GRIK1: variants seen among roughly 807,000 people sequenced by gnomAD.
GRIK1 encodes the protein glutamate ionotropic receptor kainate type subunit 1, also known as glutamate receptor ionotropic, kainate 1.
A neutral mutation model predicts 105.7 loss-of-function variants in GRIK1; 69 were observed. The observed-to-expected ratio is 0.65, with a 90% CI of 0.54 to 0.80. The LOEUF is 0.80. GRIK1 is among the 30% of genes least tolerant of loss of function. The probability of loss-of-function intolerance (pLI) is 0.00; values close to 1 mark genes in which losing one functional copy is unlikely to be tolerated. For missense variants in GRIK1, 1,109 were observed against 1,167.3 expected, an observed-to-expected ratio of 0.95 and a Z score of 0.73; for synonymous variants, 438 against 431.3, an observed-to-expected ratio of 1.02 and a Z score of -0.19.
chr21:29,723,006 C>A (rs2064360566), intron 1 of GRIK1, among the ~76,000 whole-genome samples: 1 of 152,136 alleles, frequency 6.6e-6, no homozygotes, highest in Non-Finnish European at 1.5e-5. Context: ...ACACTTATTA[C>A]TGGATAAAAA....
At chr21:29,740,545 C>G (rs2064901582) in intron 1 of GRIK1, among the ~76,000 whole-genome samples, 1 of 152,046 alleles carries the variant, frequency 6.6e-6, no homozygotes, top group Admixed American at 6.6e-5. Flanking sequence ...TCACAACCAC[C>G]CCATGAGGCA....
intron 1 of GRIK1, among the ~76,000 whole-genome samples, chr21:29,877,157 T>C (rs1289087800): frequency 6.6e-6 from 1 of 152,160 alleles, no homozygotes; most frequent in Non-Finnish European, 1.5e-5. Context: ...AAAAGCAGTA[T>C]TGTCTTTCTC....
intron 8 of GRIK1, among the ~76,000 whole-genome samples, chr21:29,597,076 T>C (rs541105557): frequency 1.3e-5 from 2 of 152,252 alleles, no homozygotes; most frequent in East Asian, 3.9e-4. Flanking sequence ...AAAGTGAGAA[T>C]GGGATTTTTC....
intron 7 of GRIK1, among the ~76,000 whole-genome samples, chr21:29,627,664 T>C (rs1412242602): frequency 6.6e-6 from 1 of 152,220 alleles, no homozygotes; most frequent in Non-Finnish European, 1.5e-5. Context: ...TCAACTCTTA[T>C]GAGATTTTTC....
At chr21:29,752,658 C>G (rs1458044818) in intron 1 of GRIK1, among the ~76,000 whole-genome samples, 2 of 151,720 alleles carry the variant, frequency 1.3e-5, no homozygotes. Context: ...AGACTCATAT[C>G]TCTACAAAAA....
At chr21:29,899,576 ATAAACAT>A (rs932036092) in intron 1 of GRIK1, among the ~76,000 whole-genome samples, 1 of 151,966 alleles carries the variant, frequency 6.6e-6, no homozygotes, top group Non-Finnish European at 1.5e-5. Flanking sequence ...CTATTACTTA[ATAAACAT>A]ATTTATAAAC....
intron 1 of GRIK1, among the ~76,000 whole-genome samples, chr21:29,770,911 T>C (rs1215523384): frequency 6.6e-6 from 1 of 152,366 alleles, no homozygotes; most frequent in African/African-American, 2.4e-5. Flanking sequence ...AAAACAGTGA[T>C]GTTCTTATTA....
chr21:29,716,481 A>T (rs952187056), intron 1 of GRIK1, among the ~76,000 whole-genome samples: 1 of 152,180 alleles, frequency 6.6e-6, no homozygotes, highest in Admixed American at 6.5e-5. Flanking sequence ...GACTTGTTGC[A>T]TGGCTTTGAC....
intron 7 of GRIK1, among the ~76,000 whole-genome samples, chr21:29,639,392 A>G (rs533969945): frequency 2.0e-5 from 3 of 152,326 alleles, no homozygotes; most frequent in Admixed American, 2.0e-4. Context: ...TAATGGAGGT[A>G]CAAAGCCTAC....
At chr21:29,851,444 A>T (rs144388995) in intron 1 of GRIK1, among the ~76,000 whole-genome samples, 62 of 152,322 alleles carry the variant, frequency 4.1e-4, no homozygotes, top group African/African-American at 1.5e-3. Context: ...GGGAGATATA[A>T]ATCAATAAAT....
At chr21:29,883,422 C>A (rs141753830) in intron 1 of GRIK1, among the ~76,000 whole-genome samples, 6 of 151,962 alleles carry the variant, frequency 3.9e-5, no homozygotes, top group Non-Finnish European at 8.8e-5. Context: ...AGTCACTCAG[C>A]GAGACTGACT....
chr21:29,650,008 C>A (rs2062699103), intron 6 of GRIK1, among the ~76,000 whole-genome samples: 2 of 152,216 alleles, frequency 1.3e-5, no homozygotes, highest in South Asian at 4.1e-4. Context: ...TAATATTTCC[C>A]TGGATATTCT....
At chr21:29,633,488 C>T (rs918601024) in intron 7 of GRIK1, among the ~76,000 whole-genome samples, 23 of 151,926 alleles carry the variant, frequency 1.5e-4, no homozygotes, top group Admixed American at 1.3e-3. Flanking sequence ...CAGAGTGAGA[C>T]TCTGTCTCTA....
intron 1 of GRIK1, among the ~76,000 whole-genome samples, chr21:29,876,116 G>A (rs980124146): frequency 3.3e-5 from 5 of 151,366 alleles, no homozygotes; most frequent in African/African-American, 7.3e-5. Flanking sequence ...ATAGATATGT[G>A]TGTGTGTGTG....
chr21:29,824,334 G>C (rs748588362), intron 1 of GRIK1, among the ~76,000 whole-genome samples: 1 of 151,710 alleles, frequency 6.6e-6, no homozygotes, highest in Non-Finnish European at 1.5e-5. Flanking sequence ...CCACACCTCC[G>C]GCACTGTTTC....
chr21:29,579,975 ATATATATGTGTGTATATATATG>A (rs1568842899), intron 13 of GRIK1, among the ~76,000 whole-genome samples: 37 of 145,250 alleles, frequency 2.5e-4, no homozygotes, highest in Non-Finnish European at 4.2e-4. Flanking sequence ...GTATATATAT[ATATATATGTGTGTATATATATG>A]TATATATATG....
chr21:29,829,238 A>G (rs2067560418), intron 1 of GRIK1, among the ~76,000 whole-genome samples: 1 of 152,212 alleles, frequency 6.6e-6, no homozygotes, highest in African/African-American at 2.4e-5. Flanking sequence ...AGGCTTGCTC[A>G]TATTCATCAC....
chr21:29,637,723 T>C (rs1473982687), intron 7 of GRIK1, among the ~76,000 whole-genome samples: 2 of 152,212 alleles, frequency 1.3e-5, no homozygotes, highest in African/African-American at 4.8e-5. Flanking sequence ...CTATGACTAG[T>C]AAGTTTCTGC....
At chr21:29,818,989 G>T (rs1262365616) in intron 1 of GRIK1, among the ~76,000 whole-genome samples, 1 of 151,946 alleles carries the variant, frequency 6.6e-6, no homozygotes, top group Non-Finnish European at 1.5e-5. Flanking sequence ...TCCTTAACTG[G>T]CCCTAATATC....
Sources: allele counts gnomAD v4.1 joint callset (sites outside exome capture counted in the v4.1 genomes callset), GRCh38; gene constraint gnomAD v4.1.1; transcripts MANE v1.5; gene names NCBI Gene and HGNC (gene_info 2026-07-23, HGNC 2026-07-21).